CSMD1: variants seen among roughly 807,000 people sequenced by gnomAD.
CSMD1 encodes CUB and Sushi multiple domains 1, also known as CUB and sushi domain-containing protein 1.
A neutral mutation model predicts 417.5 loss-of-function variants in CSMD1; 213 were observed. The observed-to-expected ratio is 0.51, with a 90% CI of 0.46 to 0.57. The LOEUF (loss-of-function observed/expected upper bound fraction) is 0.57, where lower values mean the gene tolerates loss of function less well. CSMD1 is among the 20% of genes least tolerant of loss of function. The pLI, the probability that CSMD1 is intolerant of heterozygous loss-of-function variation, is 0.00. For missense variants in CSMD1, 6,923 were observed against 4,529.7 expected (o/e 1.53, Z -15.17); for synonymous variants, 2,862 against 1,736.8 (o/e 1.65, Z -16.11).
intron 1 of CSMD1, among the ~76,000 whole-genome samples, chr8:4,687,432 C>A (rs940342317): frequency 2.6e-5 from 4 of 152,182 alleles, no homozygotes; most frequent in Non-Finnish European, 5.9e-5. Context: ...GAAAAACTTT[C>A]AATGTTGATA....
intron 1 of CSMD1, among the ~76,000 whole-genome samples, chr8:4,764,570 A>C (rs972246224): frequency 3.3e-5 from 5 of 152,264 alleles, no homozygotes; most frequent in African/African-American, 1.2e-4. Context: ...TGCTCTCTAA[A>C]AATATCAATT....
chr8:3,951,139 T>G (rs941711632), intron 5 of CSMD1, among the ~76,000 whole-genome samples: 1 of 152,182 alleles, frequency 6.6e-6, no homozygotes, highest in Non-Finnish European at 1.5e-5. Context: ...TGTCTCAAAG[T>G]TGTTTGTTTT....
intron 23 of CSMD1, among the ~76,000 whole-genome samples, chr8:3,328,640 T>G (rs1385658072): frequency 6.6e-6 from 1 of 152,218 alleles, no homozygotes; most frequent in Non-Finnish European, 1.5e-5. Context: ...AAATATCCTG[T>G]TATCATATCC....
chr8:3,857,441 G>T (rs568638899), intron 5 of CSMD1, among the ~76,000 whole-genome samples: 1 of 152,206 alleles, frequency 6.6e-6, no homozygotes, highest in Non-Finnish European at 1.5e-5. Flanking sequence ...ATCCAAGCCA[G>T]ATGGGACCTT....
At chr8:3,529,270 T>C (rs1797879521) in intron 10 of CSMD1, among the ~76,000 whole-genome samples, 1 of 152,230 alleles carries the variant, frequency 6.6e-6, no homozygotes, top group Non-Finnish European at 1.5e-5. Context: ...TTCTTTTCCA[T>C]GATTTTTTTG....
intron 11 of CSMD1, among the ~76,000 whole-genome samples, chr8:3,492,348 G>T (rs947946010): frequency 2.0e-5 from 3 of 152,072 alleles, no homozygotes; most frequent in Non-Finnish European, 4.4e-5. Flanking sequence ...CTCACATAGG[G>T]CAGACCAGCT....
chr8:3,179,011 G>A (rs892652218), intron 37 of CSMD1, among the ~76,000 whole-genome samples: 27 of 149,398 alleles, frequency 1.8e-4, no homozygotes, highest in Admixed American at 5.3e-4. Flanking sequence ...GCAGTGGCGC[G>A]ATCTTGGCTC....
chr8:3,529,151 G>C (rs1797874910), intron 10 of CSMD1, among the ~76,000 whole-genome samples: 2 of 152,128 alleles, frequency 1.3e-5, no homozygotes, highest in South Asian at 2.1e-4. Flanking sequence ...GTGTAGTAAA[G>C]ACAATACATA....
At chr8:4,202,154 G>T (rs710258) in intron 3 of CSMD1, among the ~76,000 whole-genome samples, 2 of 151,822 alleles carry the variant, frequency 1.3e-5, no homozygotes, top group Non-Finnish European at 2.9e-5. Context: ...TTTCTAGGAC[G>T]GGTGGGATGA....
intron 5 of CSMD1, among the ~76,000 whole-genome samples, chr8:3,857,956 G>C (rs1804430870): frequency 6.6e-6 from 1 of 152,216 alleles, no homozygotes; most frequent in South Asian, 2.1e-4. Context: ...ACACTGCATG[G>C]TGACTTCTCT....
In CSMD1 at chr8:4,876,900, T is replaced by G. The variant is rs561527123; in HGVS notation, c.85+117432A>C. Among the ~76,000 whole-genome samples, 25 of 152,210 alleles carry G rather than the reference T, an allele frequency of 1.6e-4. No individual in the cohort carries two copies. In the South Asian group the frequency reaches 4.8e-3, roughly 29 times the overall value. On this transcript the variant is annotated intron_variant, in intron 1 of 69. Coordinates refer to ENST00000635120, the MANE Select transcript of CSMD1 (RefSeq NM_033225.6). ...AGCAAAAAGGCAAAGAACACATTGA[T>G]TCAAGGAGATTAGCTTTCTCCTAAT... is the stretch of plus-strand genomic sequence containing the variant.
At chr8:4,831,874 A>C (rs1379627768) in intron 1 of CSMD1, among the ~76,000 whole-genome samples, 1 of 151,712 alleles carries the variant, frequency 6.6e-6, no homozygotes, top group Admixed American at 6.6e-5. Flanking sequence ...AGGTGCAAGG[A>C]TGAGGATGAA....
At chr8:2,980,937 T>C (rs937835424) in intron 54 of CSMD1, among the ~76,000 whole-genome samples, 1 of 152,188 alleles carries the variant, frequency 6.6e-6, no homozygotes, top group Non-Finnish European at 1.5e-5. Flanking sequence ...TTGAGCCCCA[T>C]GTGGGGAAAC....
At chr8:4,993,823 G>C (rs923568351) in intron 1 of CSMD1, among the ~76,000 whole-genome samples, 2 of 152,288 alleles carry the variant, frequency 1.3e-5, no homozygotes, top group East Asian at 3.9e-4. Flanking sequence ...GTATGGGTGC[G>C]AGGAGGCCGG....
intron 3 of CSMD1, among the ~76,000 whole-genome samples, chr8:4,309,872 C>T (rs1392410572): frequency 6.6e-6 from 1 of 152,150 alleles, no homozygotes; most frequent in Non-Finnish European, 1.5e-5. Flanking sequence ...CTGAGCATCA[C>T]TTCAGAGGGT....
chr8:4,206,041 A>T (rs968588711), intron 3 of CSMD1, among the ~76,000 whole-genome samples: 2 of 152,096 alleles, frequency 1.3e-5, no homozygotes, highest in Non-Finnish European at 2.9e-5. Context: ...CATCCATGCC[A>T]TAAATCTTCC....
At chr8:4,581,693 A>G (rs968451169) in intron 2 of CSMD1, among the ~76,000 whole-genome samples, 1 of 152,232 alleles carries the variant, frequency 6.6e-6, no homozygotes, top group African/African-American at 2.4e-5. Flanking sequence ...TTGGGGTCAC[A>G]TAAGCAGGTC....
chr8:4,804,581 G>GAGGA (rs549908126), intron 1 of CSMD1, among the ~76,000 whole-genome samples: 225 of 151,882 alleles, frequency 1.5e-3, no homozygotes, highest in Non-Finnish European at 2.7e-3. Flanking sequence ...ATTAGGGAGG[G>GAGGA]AGGAAGGAAG....
intron 3 of CSMD1, among the ~76,000 whole-genome samples, chr8:4,298,572 T>C (rs530560354): frequency 3.9e-5 from 6 of 152,308 alleles, no homozygotes; most frequent in African/African-American, 1.2e-4. Context: ...AATGAATTTA[T>C]GTAAATTTAC....
Sources: gnomAD v4.1 joint callset for allele counts (sites outside exome capture counted in the v4.1 genomes callset) on GRCh38, gnomAD v4.1.1 for gene constraint, MANE v1.5 for transcripts, NCBI Gene and HGNC (gene_info 2026-07-23, HGNC 2026-07-21) for gene names.